Variants in MTX2 observed in about 807,000 individuals in gnomAD.
MTX2 encodes metaxin-2.
MTX2 carries 35 observed loss-of-function variants against 42.3 expected under a neutral mutation model. The observed-to-expected ratio is 0.83, with a 90% confidence interval of 0.63 to 1.10. The LOEUF is 1.10. MTX2 is among the 50% of genes least tolerant of loss of function. The pLI is 0.00. For synonymous variants in MTX2, 119 were observed against 100.9 expected (o/e 1.18, Z -1.08); for missense variants, 307 against 304.1 (o/e 1.01, Z -0.07).
chr2:176,334,679 A>G (rs1380436311), intron 9 of MTX2, among the ~76,000 whole-genome samples: 1 of 151,978 alleles, frequency 6.6e-6, no homozygotes, highest in Non-Finnish European at 1.5e-5. Context: ...AAAGAATGTA[A>G]GTTACTACTA....
At chr2:176,310,235 C>T (rs1684269092) in intron 3 of MTX2, among the ~76,000 whole-genome samples, 1 of 148,924 alleles carries the variant, frequency 6.7e-6, no homozygotes, top group Non-Finnish European at 1.5e-5. Context: ...ATATTGGCCC[C>T]CAGTCTCTTC....
At chr2:176,274,935 C>T (rs1366741645) in intron 1 of MTX2, among the ~76,000 whole-genome samples, 2 of 152,200 alleles carry the variant, frequency 1.3e-5, no homozygotes, top group Non-Finnish European at 2.9e-5. Flanking sequence ...CTCTTCCCAA[C>T]ACCTGGCGGA....
chr2:176,307,194 G>T lies in MTX2; in HGVS notation c.135+9299G>T, dbSNP rs558647849. Among the ~76,000 whole-genome samples the T allele has an allele frequency of 2.0e-5, 3 of 151,952 alleles. No homozygotes were observed. The East Asian group carries it at 5.8e-4, about 29-fold the overall frequency. On this transcript the variant is annotated intron_variant, in intron 3 of 9. Transcript: ENST00000249442. Reference sequence around the variant, plus strand: ...TTTTCACATTTCTTGTTTTTGTCAGGTTTGTCAAAGATCAGATGGTTGTAG... The same window carrying T: ...TTTTCACATTTCTTGTTTTTGTCAGTTTTGTCAAAGATCAGATGGTTGTAG...
At chr2:176,304,965 C>T (rs1472389828) in intron 3 of MTX2, among the ~76,000 whole-genome samples, 1 of 151,998 alleles carries the variant, frequency 6.6e-6, no homozygotes, top group Non-Finnish European at 1.5e-5. Context: ...CCTTGAATCT[C>T]ATGGTATTAA....
intron 1 of MTX2, among the ~76,000 whole-genome samples, chr2:176,273,989 C>G (rs1295150460): frequency 6.6e-6 from 1 of 151,396 alleles, no homozygotes; most frequent in Non-Finnish European, 1.5e-5. Context: ...CATGTCTTGT[C>G]ACTTCTTTCC....
intron 3 of MTX2, among the ~76,000 whole-genome samples, chr2:176,298,097 T>C (rs1471597238): frequency 2.0e-5 from 3 of 151,108 alleles, no homozygotes; most frequent in Non-Finnish European, 3.0e-5. Context: ...TAATTGTCAG[T>C]ATATAAAATA....
intron 9 of MTX2, among the ~76,000 whole-genome samples, chr2:176,336,325 T>G (rs1468606396): frequency 1.3e-5 from 2 of 152,076 alleles, no homozygotes; most frequent in Non-Finnish European, 2.9e-5. Flanking sequence ...TTCCTAGAAA[T>G]TTTTATGTTG....
chr2:176,322,821 A>G (rs1223854968), intron 3 of MTX2, among the ~76,000 whole-genome samples: 1 of 151,968 alleles, frequency 6.6e-6, no homozygotes, highest in African/African-American at 2.4e-5. Flanking sequence ...ATTATTAGAC[A>G]TTTAAATTGC....
chr2:176,331,603 C>T (rs1444821554), intron 9 of MTX2, among the ~76,000 whole-genome samples: 1 of 151,014 alleles, frequency 6.6e-6, no homozygotes, highest in East Asian at 1.9e-4. Flanking sequence ...GTAATATATA[C>T]ATATATAATT....
At chr2:176,313,388 CTT>C (rs1207416607) in intron 3 of MTX2, among the ~76,000 whole-genome samples, 134 of 103,486 alleles carry the variant, frequency 1.3e-3, no homozygotes, top group Middle Eastern at 5.7e-3. Context: ...TACACTGATT[CTT>C]TTTTTTTTTT....
intron 3 of MTX2, among the ~76,000 whole-genome samples, chr2:176,318,532 G>A (rs1405120618): frequency 6.6e-6 from 1 of 152,078 alleles, no homozygotes; most frequent in Non-Finnish European, 1.5e-5. Context: ...TTTCACATAA[G>A]AATACATTTG....
At chr2:176,335,884 A>G (rs1205285181) in intron 9 of MTX2, among the ~76,000 whole-genome samples, 2 of 152,138 alleles carry the variant, frequency 1.3e-5, no homozygotes, top group East Asian at 1.9e-4. Flanking sequence ...GAATGTATGA[A>G]TCCAGAGCTC....
chr2:176,334,778 A>C (rs999149573), intron 9 of MTX2, among the ~76,000 whole-genome samples: 5 of 152,014 alleles, frequency 3.3e-5, no homozygotes, highest in Admixed American at 6.6e-5. Context: ...AGTTCCTTAG[A>C]TACTGTGCTA....
intron 1 of MTX2, among the ~76,000 whole-genome samples, chr2:176,289,324 A>G (rs1368108667): frequency 3.3e-5 from 5 of 152,004 alleles, no homozygotes; most frequent in Non-Finnish European, 1.5e-5. Flanking sequence ...CTCCAATGTA[A>G]ATACTTATGA....
chr2:176,315,490 A>G (rs1330459765), intron 3 of MTX2, among the ~76,000 whole-genome samples: 1 of 152,116 alleles, frequency 6.6e-6, no homozygotes. Flanking sequence ...GATCATTACA[A>G]AAGCCTCCTA....
At chr2:176,324,078 G>A (rs1400215846) in intron 4 of MTX2, among the ~76,000 whole-genome samples, 1 of 151,390 alleles carries the variant, frequency 6.6e-6, no homozygotes, top group Admixed American at 6.6e-5. Context: ...ATAAAAATGT[G>A]CTACAAAGCT....
At chr2:176,297,623 A>T (rs1407264346) in intron 2 of MTX2, among the ~76,000 whole-genome samples, 2 of 152,276 alleles carry the variant, frequency 1.3e-5, no homozygotes, top group East Asian at 3.9e-4. Context: ...AAACAATTTT[A>T]ATTACATTGC....
chr2:176,298,943 G>GT (rs1184317463), intron 3 of MTX2, among the ~76,000 whole-genome samples: 5 of 152,030 alleles, frequency 3.3e-5, no homozygotes, highest in African/African-American at 1.2e-4. Context: ...GTTTCAGTAG[G>GT]TTTACTGATT....
intron 1 of MTX2, chr2:176,270,354 T>G: frequency 8.8e-6 from 12 of 1,360,192 alleles, no homozygotes; most frequent in South Asian, 8.0e-5. Context: ...GGAAAATTTT[T>G]AAATCTGCAT....
Sources: allele counts gnomAD v4.1 joint callset (sites outside exome capture counted in the v4.1 genomes callset), GRCh38; gene constraint gnomAD v4.1.1; transcripts MANE v1.5; gene names NCBI Gene and HGNC (gene_info 2026-07-23, HGNC 2026-07-21).